POLA1: variants seen among roughly 807,000 people sequenced by gnomAD.
POLA1 encodes DNA polymerase alpha 1, catalytic subunit, also known as DNA polymerase alpha catalytic subunit.
Under a neutral mutation model 124.0 loss-of-function variants are expected in POLA1, and 15 were observed. The ratio of observed to expected loss-of-function variants is 0.12; its 90% confidence interval spans 0.08 to 0.19. The LOEUF is 0.19. Among genes scored for constraint, POLA1 ranks in the 10% least tolerant of loss-of-function variants. The probability of loss-of-function intolerance (pLI) is 1.00; values close to 1 mark genes in which losing one functional copy is unlikely to be tolerated. For missense variants in POLA1, 886 were observed against 1,103.4 expected (o/e 0.80, Z 2.79); for synonymous variants, 408 against 389.4 (o/e 1.05, Z -0.56).
intron 34 of POLA1, among the ~76,000 whole-genome samples, chrX:24,848,355 G>C (rs1569337065): frequency 8.9e-6 from 1 of 112,192 alleles, no homozygotes. Flanking sequence ...AGCACTTAGG[G>C]AAGAAGAGAG....
At chrX:24,780,006 C>T (rs1035084754) in intron 26 of POLA1, among the ~76,000 whole-genome samples, 4 of 112,119 alleles carry the variant, frequency 3.6e-5, no homozygotes, top group African/African-American at 1.3e-4. Context: ...ATTTCAGTAC[C>T]TTACCACAAT....
intron 35 of POLA1, among the ~76,000 whole-genome samples, chrX:24,926,075 A>G (rs1319682884): frequency 9.4e-6 from 1 of 106,820 alleles, no homozygotes; most frequent in African/African-American, 3.4e-5. Context: ...GTGTGGTGGC[A>G]CGCGCCTGTG....
At chrX:24,995,766 A>G (rs746854910) in intron 36 of POLA1, 39 bp from the exon 37 acceptor site, 2 of 1,139,544 alleles carry the variant, frequency 1.8e-6, no homozygotes, top group Non-Finnish European at 1.2e-6. Context: ...CTTTAAAGAA[A>G]CTACCTGAGA....
chrX:24,785,657 CTG>C (rs919235962), intron 26 of POLA1, among the ~76,000 whole-genome samples: 1 of 112,000 alleles, frequency 8.9e-6, no homozygotes, highest in African/African-American at 3.2e-5. Context: ...TAAAGGGCAA[CTG>C]TTTTTTTAAA....
intron 31 of POLA1, among the ~76,000 whole-genome samples, chrX:24,824,745 A>G (rs1190642067): frequency 9.0e-6 from 1 of 110,543 alleles, no homozygotes; most frequent in African/African-American, 3.3e-5. Context: ...TGTTTGTGTC[A>G]CTTTTTGTTA....
intron 35 of POLA1, among the ~76,000 whole-genome samples, chrX:24,922,594 A>T (rs2147200727): frequency 9.0e-6 from 1 of 111,638 alleles, no homozygotes; most frequent in East Asian, 2.8e-4. Context: ...ATATACTTTA[A>T]TAAATGAAGA....
rs35938897 is a variant in POLA1, at chrX:24,801,924, G to GGTGTGTGTGTGTGTGTGTGTGTGTGTGT, written c.2965-7954_2965-7927dup. Among the ~76,000 whole-genome samples, 10 of 74,544 alleles carry GGTGTGTGTGTGTGTGTGTGTGTGTGTGT rather than the reference G, an allele frequency of 1.3e-4. 1 individual carries two copies. The highest frequency in any genetic ancestry group is 4.8e-4 in the East Asian group (1 of 2,100). 64.7% of individuals were successfully genotyped at this position (74,544 alleles called of 115,157 possible). On this transcript the variant is annotated intron_variant, in intron 26 of 36. Transcript: ENST00000379068. ...ACAGAGCCACTAGGAGAGGTGGGTG[G>GGTGTGTGTGTGTGTGTGTGTGTGTGTGT]GTGTGTGTGTGTGTGTGTGTGTGTG...
At chrX:24,984,002 G>T (rs1441913240) in intron 36 of POLA1, among the ~76,000 whole-genome samples, 1 of 112,248 alleles carries the variant, frequency 8.9e-6, no homozygotes, top group East Asian at 2.8e-4. Flanking sequence ...AGGCTTCAGA[G>T]AATTCAGTGA....
chrX:24,724,286 A>G (rs1403328630), intron 11 of POLA1, 49 bp from the exon 12 acceptor site: 1 of 626,404 alleles, frequency 1.6e-6, no homozygotes, highest in Non-Finnish European at 2.6e-6. Flanking sequence ...AAGATCATTT[A>G]TGTACAGATA....
At chrX:24,962,312 A>G (rs920913161) in intron 36 of POLA1, among the ~76,000 whole-genome samples, 31 of 111,810 alleles carry the variant, frequency 2.8e-4, no homozygotes, top group Non-Finnish European at 4.5e-4. Flanking sequence ...AGTAAATTAT[A>G]CCAACAGTTT....
intron 36 of POLA1, among the ~76,000 whole-genome samples, chrX:24,942,753 C>T (rs1351123965): frequency 1.8e-5 from 2 of 112,182 alleles, no homozygotes; most frequent in African/African-American, 3.2e-5. Context: ...TTCAGTGGCA[C>T]GATCTCTGCT....
At chrX:24,785,002 ATAAAATAT>A (rs1163887270) in intron 26 of POLA1, among the ~76,000 whole-genome samples, 1 of 112,372 alleles carries the variant, frequency 8.9e-6, no homozygotes, top group African/African-American at 3.2e-5. Context: ...ATACTCTCAG[ATAAAATAT>A]TAGTTAGGGG....
intron 26 of POLA1, 28 bp downstream of exon 26, chrX:24,749,020 C>A: frequency 4.5e-6 from 5 of 1,120,013 alleles, no homozygotes; most frequent in Non-Finnish European, 6.2e-6. Context: ...ATTCACATCT[C>A]TAGATATGAG....
intron 26 of POLA1, among the ~76,000 whole-genome samples, chrX:24,759,423 G>A (rs1443361078): frequency 8.9e-6 from 1 of 111,873 alleles, no homozygotes; most frequent in African/African-American, 3.2e-5. Context: ...TAAGCCCTGT[G>A]CTCTACATAG....
In POLA1 at chrX:24,725,921, A is replaced by G. The variant is rs200801349; in HGVS notation, c.1318-60A>G. On this transcript the variant is annotated intron_variant, in intron 12 of 36. Transcript: ENST00000379068. ...ATTAAATACAAGAGCATGTATTGTAATACTGGTTAGTTTGTGAAGTTTTTG... is the reference window on the plus strand; with the variant it reads ...ATTAAATACAAGAGCATGTATTGTAGTACTGGTTAGTTTGTGAAGTTTTTG... The G allele has an allele frequency of 1.7e-4, 120 of 714,323 alleles. No individual in the cohort carries two copies. In the East Asian group the frequency reaches 1.7e-3, roughly 10 times the overall value. 58.9% of individuals were successfully genotyped at this position (714,323 alleles called of 1,213,427 possible).
At chrX:24,929,786 G>A (rs1014607084) in intron 35 of POLA1, among the ~76,000 whole-genome samples, 1 of 112,309 alleles carries the variant, frequency 8.9e-6, no homozygotes, top group South Asian at 3.7e-4. Context: ...TGTTTGCTGA[G>A]TGAATAGTAG....
At chrX:24,930,330 C>T in intron 35 of POLA1, 123 bp from the exon 36 acceptor site, 1 of 498,947 alleles carries the variant, frequency 2.0e-6, no homozygotes, top group Admixed American at 3.2e-5. Context: ...TTCTTACCCA[C>T]TTTCTTTAAA....
At chrX:24,972,144 T>G (rs892986489) in intron 36 of POLA1, among the ~76,000 whole-genome samples, 14 of 110,249 alleles carry the variant, frequency 1.3e-4, no homozygotes, top group African/African-American at 4.6e-4. Context: ...AAGTTTTTTG[T>G]ATTTTCAGTA....
chrX:24,896,947 C>T (rs970443861), intron 35 of POLA1, among the ~76,000 whole-genome samples: 13 of 111,839 alleles, frequency 1.2e-4, no homozygotes. Flanking sequence ...TGATACGGTT[C>T]GAAGAGTTTG....
Sources: allele counts gnomAD v4.1 joint callset (sites outside exome capture counted in the v4.1 genomes callset), GRCh38; gene constraint gnomAD v4.1.1; transcripts MANE v1.5; gene names NCBI Gene and HGNC (gene_info 2026-07-23, HGNC 2026-07-21).